ZNF410: variants seen among roughly 807,000 people sequenced by gnomAD.
ZNF410 encodes zinc finger protein 410.
Under a neutral mutation model 54.8 loss-of-function variants are expected in ZNF410, and 18 were observed. That is an observed-to-expected ratio of 0.33 (90% CI 0.23 to 0.49). The LOEUF (loss-of-function observed/expected upper bound fraction) is 0.49, where lower values mean the gene tolerates loss of function less well. ZNF410 is among the 20% of genes least tolerant of loss of function. The probability of loss-of-function intolerance (pLI) is 0.99; values close to 1 mark genes in which losing one functional copy is unlikely to be tolerated. For synonymous variants in ZNF410, 191 were observed against 207.3 expected, an observed-to-expected ratio of 0.92 and a Z score of 0.68; for missense variants, 405 against 569.6, an observed-to-expected ratio of 0.71 and a Z score of 2.94.
chr14:73,908,195 G>A (rs1298776645), intron 7 of ZNF410, among the ~76,000 whole-genome samples: 3 of 152,082 alleles, frequency 2.0e-5, no homozygotes, highest in Non-Finnish European at 2.9e-5. Flanking sequence ...TCCTGTGTCC[G>A]TTATCCCAGT....
At chr14:73,890,811 G>C (rs556109837) in intron 1 of ZNF410, among the ~76,000 whole-genome samples, 1 of 151,972 alleles carries the variant, frequency 6.6e-6, no homozygotes, top group Non-Finnish European at 1.5e-5. Context: ...TTGGGAGTTC[G>C]AGACCAGCCT....
chr14:73,891,940 T>C, intron 1 of ZNF410, 87 bp from the exon 2 acceptor site: 1 of 618,492 alleles, frequency 1.6e-6, no homozygotes, highest in Non-Finnish European at 2.9e-6. Context: ...TTGTGATTTT[T>C]TTTGTATATG....
chr14:73,902,070 G>GT (rs201313257), intron 5 of ZNF410: 15,847 of 139,458 alleles, frequency 0.11, 1,172 homozygotes, highest in Admixed American at 0.19. Context: ...TATATGTGTA[G>GT]TTTTTTTTTT....
chr14:73,913,969 G>T (rs950753178), intron 8 of ZNF410: 5 of 152,122 alleles, frequency 3.3e-5, no homozygotes, highest in Non-Finnish European at 7.3e-5. Context: ...CTACATAAAA[G>T]ATCATGTCAT....
At chr14:73,930,563 G>A (rs2140336287) in intron 11 of ZNF410, among the ~76,000 whole-genome samples, 1 of 152,264 alleles carries the variant, frequency 6.6e-6, no homozygotes, top group Non-Finnish European at 1.5e-5. Flanking sequence ...ATTTTAATAA[G>A]TTGTTTTTGT....
chr14:73,908,136 G>A (rs2055520670), intron 7 of ZNF410, among the ~76,000 whole-genome samples: 1 of 152,026 alleles, frequency 6.6e-6, no homozygotes, highest in African/African-American at 2.4e-5. Context: ...GACCCCAAAG[G>A]CCATGTTTTT....
At chr14:73,931,327 C>T (rs17094056) in intron 11 of ZNF410, among the ~76,000 whole-genome samples, 176 bp from the exon 12 acceptor site, 11,587 of 152,204 alleles carry the variant, frequency 0.076, 891 homozygotes, top group East Asian at 0.44. Flanking sequence ...AAAGTGCTGT[C>T]CCAAGGCCAC....
intron 7 of ZNF410, among the ~76,000 whole-genome samples, chr14:73,908,261 G>C (rs758726841): frequency 6.6e-6 from 1 of 152,122 alleles, no homozygotes; most frequent in Non-Finnish European, 1.5e-5. Flanking sequence ...TAACCAGCTT[G>C]ATGCAGAGAT....
intron 4 of ZNF410, among the ~76,000 whole-genome samples, chr14:73,897,786 A>G (rs907564579): frequency 1.8e-4 from 28 of 152,076 alleles, no homozygotes; most frequent in Admixed American, 1.4e-3. Flanking sequence ...AGCCTGACCA[A>G]CATGGTGAAA....
intron 9 of ZNF410, among the ~76,000 whole-genome samples, chr14:73,921,565 C>CAGGA (rs1368003465): frequency 6.6e-6 from 1 of 152,136 alleles, no homozygotes; most frequent in Non-Finnish European, 1.5e-5. Flanking sequence ...GCAACCTCTG[C>CAGGA]CTCCTGGGTT....
chr14:73,906,736 C>T (rs2055496314), intron 7 of ZNF410, among the ~76,000 whole-genome samples: 1 of 152,012 alleles, frequency 6.6e-6, no homozygotes, highest in South Asian at 2.1e-4. Flanking sequence ...ACCTTGCCCT[C>T]CCAAAGTGCT....
intron 1 of ZNF410, among the ~76,000 whole-genome samples, chr14:73,889,828 G>A (rs1052277799): frequency 7.2e-6 from 1 of 139,120 alleles, no homozygotes; most frequent in Non-Finnish European, 1.5e-5. Flanking sequence ...ACAGAGTCTT[G>A]CTCTGTCGCC....
At chr14:73,915,852 C>G (rs185827090) in intron 8 of ZNF410, 1 of 152,246 alleles carries the variant, frequency 6.6e-6, no homozygotes, top group Admixed American at 6.5e-5. Context: ...GGATGTAAAA[C>G]CAACTTTGTG....
intron 5 of ZNF410, among the ~76,000 whole-genome samples, chr14:73,901,637 G>A (rs532347893): frequency 6.6e-6 from 1 of 151,646 alleles, no homozygotes; most frequent in East Asian, 1.9e-4. Flanking sequence ...CACTGTATTA[G>A]CATGATTTTT....
intron 7 of ZNF410, among the ~76,000 whole-genome samples, chr14:73,905,966 CACATATATAT>C (rs200313528): frequency 0.018 from 1,221 of 66,552 alleles, 29 homozygotes; most frequent in Admixed American, 0.089. Context: ...CACACACACA[CACATATATAT>C]ATATATATAT....
rs1237310177 is a variant in ZNF410, at chr14:73,931,917, T to C, written c.*376T>C. ...TCCCAGACTCAGCTGTCTTTTCACA[T>C]GGATGAAATAATTCCTGCTACCAAC... On this transcript the variant is annotated 3_prime_UTR_variant, in exon 12 of 12. Coordinates refer to ENST00000555044, the MANE Select transcript of ZNF410 (RefSeq NM_021188.3). 4 of 457,192 alleles carry C rather than the reference T, an allele frequency of 8.7e-6. No homozygotes were observed. The highest frequency in any genetic ancestry group is 4.7e-5 in the South Asian group (3 of 64,248). 28.3% of individuals were successfully genotyped at this position (457,192 alleles called of 1,614,324 possible).
chr14:73,890,961 T>A (rs112341182), intron 1 of ZNF410, among the ~76,000 whole-genome samples: 23,315 of 151,990 alleles, frequency 0.15, 2,353 homozygotes, highest in East Asian at 0.49. Context: ...TGAGCTGAGA[T>A]CGTGCCATTG....
At chr14:73,905,966 C>CATATATATATATATATAT (rs1197338487) in intron 7 of ZNF410, among the ~76,000 whole-genome samples, 1 of 66,624 alleles carries the variant, frequency 1.5e-5, no homozygotes, top group African/African-American at 6.1e-5. Flanking sequence ...CACACACACA[C>CATATATATATATATATAT]ACATATATAT....
intron 3 of ZNF410, chr14:73,894,233 A>G (rs954130467): frequency 1.5e-6 from 1 of 669,456 alleles, no homozygotes; most frequent in Non-Finnish European, 2.7e-6. Context: ...AGAAACAAAG[A>G]CTAAAATAGT....
Sources: gnomAD v4.1 joint callset for allele counts (sites outside exome capture counted in the v4.1 genomes callset) on GRCh38, gnomAD v4.1.1 for gene constraint, MANE v1.5 for transcripts, NCBI Gene and HGNC (gene_info 2026-07-23, HGNC 2026-07-21) for gene names.